The following RGPD3 variants were observed in gnomAD, a reference collection of about 807,000 sequenced individuals.
RGPD3 encodes RANBP2 like and GRIP domain containing 3.
Under a neutral mutation model 154.5 loss-of-function variants are expected in RGPD3, and 62 were observed. The observed-to-expected ratio is 0.40, with a 90% CI of 0.33 to 0.50. The LOEUF (loss-of-function observed/expected upper bound fraction) is 0.50, where lower values mean the gene tolerates loss of function less well. Among genes scored for constraint, RGPD3 ranks in the 20% least tolerant of loss-of-function variants. RGPD3 has a pLI of 0.59. For missense variants in RGPD3, 919 were observed against 1,716.8 expected (o/e 0.54, Z 8.21); for synonymous variants, 308 against 607.0 (o/e 0.51, Z 7.24).
At chr2:106,466,548 G>C (rs1456358469) in intron 1 of RGPD3, among the ~76,000 whole-genome samples, 1 of 127,424 alleles carries the variant, frequency 7.8e-6, no homozygotes, top group African/African-American at 3.0e-5. Context: ...GCCGCCGCAG[G>C]GCCAGGTCGA....
chr2:106,420,445 C>A (rs1015701534), intron 20 of RGPD3, among the ~76,000 whole-genome samples: 3 of 151,896 alleles, frequency 2.0e-5, no homozygotes, highest in Admixed American at 6.6e-5. Flanking sequence ...AGTCATGAAG[C>A]ATGCCATGTA....
intron 17 of RGPD3, among the ~76,000 whole-genome samples, chr2:106,430,564 C>G (rs868231892): frequency 6.0e-3 from 880 of 145,546 alleles, no homozygotes; most frequent in South Asian, 0.02. Flanking sequence ...CCCAAATTAG[C>G]TTTTCACTTA....
chr2:106,465,396 G>A (rs578002815), intron 1 of RGPD3, among the ~76,000 whole-genome samples: 1 of 151,500 alleles, frequency 6.6e-6, no homozygotes, highest in South Asian at 2.1e-4. Flanking sequence ...GTGTAAGAGA[G>A]GTGGTCATAA....
chr2:106,466,181 C>A (rs187694513), intron 1 of RGPD3, among the ~76,000 whole-genome samples: 1 of 152,036 alleles, frequency 6.6e-6, no homozygotes, highest in African/African-American at 2.4e-5. Flanking sequence ...GGGAACAAGC[C>A]GGGAGAAAGA....
chr2:106,406,924 T>A (rs1386918730), intron 22 of RGPD3, among the ~76,000 whole-genome samples: 5 of 152,194 alleles, frequency 3.3e-5, no homozygotes, highest in African/African-American at 1.2e-4. Flanking sequence ...TGTCTGGTTT[T>A]ATCTGCGTGT....
At chr2:106,420,673 C>T (rs574851219) in intron 20 of RGPD3, among the ~76,000 whole-genome samples, 3 of 152,422 alleles carry the variant, frequency 2.0e-5, no homozygotes, top group South Asian at 4.1e-4. Context: ...ATATTCTGGA[C>T]ATAATGAGTT....
At chr2:106,449,532 G>A (rs1233429380) in intron 6 of RGPD3, among the ~76,000 whole-genome samples, 1 of 150,438 alleles carries the variant, frequency 6.6e-6, no homozygotes, top group African/African-American at 2.4e-5. Flanking sequence ...ATTTTTAATG[G>A]ATTACATTTT....
rs1280740959 is a variant in RGPD3, at chr2:106,424,404, G to T, written c.3563C>A (p.Ala1188Asp). The T allele has an allele frequency of 6.2e-7, 1 of 1,611,058 alleles. No homozygotes were observed. The highest frequency in any genetic ancestry group is 8.5e-7 in the Non-Finnish European group (1 of 1,179,812). ...TPHKLVDTGRAAKLIQRAEEM... is the reference protein window; with the variant it reads ...TPHKLVDTGRDAKLIQRAEEM... ...TTCAGCTCTCTGTATTAACTTGGCA[G>T]CTCTGCCAGTATCTACAAGTTTATG... Residue 1188 changes from alanine to aspartate, a missense_variant, in exon 20 of 23, where the codon GCT (alanine) becomes GAT (aspartate). Transcript: ENST00000409886.
At chr2:106,467,438 C>A (rs796566808) in intron 1 of RGPD3, among the ~76,000 whole-genome samples, 5 of 86,728 alleles carry the variant, frequency 5.8e-5, no homozygotes, top group East Asian at 8.8e-4. Context: ...GCCGCCGGGC[C>A]GGGTCGAGGC....
intron 7 of RGPD3, among the ~76,000 whole-genome samples, chr2:106,446,752 C>A (rs1175656446): frequency 7.2e-6 from 1 of 138,968 alleles, no homozygotes; most frequent in East Asian, 2.5e-4. Context: ...CTTGGTAGCA[C>A]GGGCCTGTAG....
rs565711610 is a variant in RGPD3 at position 106,425,162 on chromosome 2, C to A, written c.2805G>T (p.Lys935Asn). 1 of 1,611,872 alleles carries A rather than the reference C, an allele frequency of 6.2e-7. No individual in the cohort carries two copies. The highest frequency in any genetic ancestry group is 2.2e-5 in the East Asian group (1 of 44,878). ...CATTTTCAAGAGGCTTTTCACTTTT[C>A]TTTTCTTGATTTCCTGGTTCCGAAA... is the stretch of plus-strand genomic sequence containing the variant. ...FGISEPGNQEKKSEKPLENDT... is the reference protein window; with the variant it reads ...FGISEPGNQENKSEKPLENDT... The change falls in exon 20 of 23, where the codon AAG becomes AAT. Residue 935 changes from lysine to asparagine, a missense_variant. Transcript: ENST00000409886.
intron 21 of RGPD3, 146 bp from the exon 22 acceptor site, chr2:106,413,431 A>G: frequency 9.5e-7 from 1 of 1,053,538 alleles, no homozygotes; most frequent in Non-Finnish European, 1.4e-6. Context: ...AGTTAACTAC[A>G]GCAGCTGCAT....
At chr2:106,417,716 T>G (rs912172882) in intron 20 of RGPD3, among the ~76,000 whole-genome samples, 6 of 151,044 alleles carry the variant, frequency 4.0e-5, no homozygotes, top group African/African-American at 1.5e-4. Flanking sequence ...GTTCAAAATC[T>G]ATTGATTCGG....
At chr2:106,470,103 ATAAT>A (rs888209268), upstream of RGPD3, among the ~76,000 whole-genome samples, 2 of 152,252 alleles carry the variant, frequency 1.3e-5, no homozygotes, top group African/African-American at 2.4e-5. Context: ...TTCTAAGGAA[ATAAT>A]TAATACTAAT....
intron 18 of RGPD3, 46 bp from the exon 19 acceptor site, chr2:106,426,134 C>G (rs1558842018): frequency 1.3e-6 from 2 of 1,586,396 alleles, no homozygotes; most frequent in East Asian, 4.5e-5. Context: ...AAAGTCTATA[C>G]TACAGTTAAG....
At chr2:106,446,593 G>A (rs866820668) in intron 7 of RGPD3, among the ~76,000 whole-genome samples, 245 of 117,092 alleles carry the variant, frequency 2.1e-3, no homozygotes, top group Middle Eastern at 7.6e-3. Context: ...AAAAAAAAAG[G>A]CCAGGCGCGC....
rs911799299 is a variant in RGPD3 at position 106,468,401 on chromosome 2, G to A, written c.-113C>T. The A allele has an allele frequency of 9.1e-6, 14 of 1,532,400 alleles. No individual in the cohort carries two copies. The highest frequency in any genetic ancestry group is 5.0e-5 in the East Asian group (2 of 39,974). 94.9% of individuals were successfully genotyped at this position (1,532,400 alleles called of 1,614,324 possible). A position where few individuals can be genotyped will look rare whatever the true frequency, so the allele number is the denominator to read the frequency against. ...CCACTGAGGCAGCGGCGTAGCCGGC[G>A]GAGGACCACTGTGACGAACTTGTGT... On this transcript the variant is annotated 5_prime_UTR_variant, in exon 1 of 23. Transcript: ENST00000409886.
chr2:106,428,818 T>G (rs1217827753), intron 18 of RGPD3, among the ~76,000 whole-genome samples: 1 of 148,462 alleles, frequency 6.7e-6, no homozygotes, highest in Non-Finnish European at 1.5e-5. Context: ...GTTACACCAC[T>G]GGAGTGTGAA....
rs751739055 is a variant in RGPD3, at chr2:106,423,859, C to A, written c.4108G>T (p.Asp1370Tyr). 3.7e-6 allele frequency: 6 copies of A among 1,611,998 alleles called. No individual in the cohort carries two copies. The South Asian group carries it at 6.6e-5, about 18-fold the overall frequency. ...CCCCTTTCTTTCCATTGACCAACAT[C>A]TTTATCATATCTGTAGAATTCTGCC... ...HRAEFYRYDK[D>Y]VGQWKERGIG... Residue 1370 changes from aspartate (D) to tyrosine (Y), a missense_variant, in exon 20 of 23, where the codon GAT (aspartate) becomes TAT (tyrosine). Asp to Tyr is a radical substitution (Grantham distance 160). Transcript: ENST00000409886.
Sources: gnomAD v4.1 joint callset for allele counts (sites outside exome capture counted in the v4.1 genomes callset) on GRCh38, gnomAD v4.1.1 for gene constraint, MANE v1.5 for transcripts, NCBI Gene and HGNC (gene_info 2026-07-23, HGNC 2026-07-21) for gene names.